CSNK2A2IP: variants seen among roughly 807,000 people sequenced by gnomAD.
CSNK2A2IP encodes the protein casein kinase II subunit alpha'-interacting protein.
chr3:88,396,352 G>A, the CSNK2A2IP span, among the ~76,000 whole-genome samples: 5 of 151,612 alleles, frequency 3.3e-5, no homozygotes, highest in Non-Finnish European at 7.4e-5. Flanking sequence ...TGATCCGCCC[G>A]CCTCGGCCTC....
the CSNK2A2IP span, chr3:88,466,514 C>T: frequency 8.1e-7 from 1 of 1,231,798 alleles, no homozygotes; most frequent in East Asian, 3.2e-5. Flanking sequence ...ACAGCTGCTT[C>T]AACATTAGGT....
the CSNK2A2IP span, among the ~76,000 whole-genome samples, chr3:88,356,188 T>A: frequency 0.026 from 3,887 of 152,232 alleles, 106 homozygotes; most frequent in East Asian, 0.074. Flanking sequence ...CTAGAACTTA[T>A]TTCGTCTATC....
chr3:88,341,942 A>G, the CSNK2A2IP span, among the ~76,000 whole-genome samples: 1 of 152,132 alleles, frequency 6.6e-6, no homozygotes, highest in African/African-American at 2.4e-5. Context: ...GCAGAGGATT[A>G]TAGAAAATTA....
chr3:88,352,620 C>A, the CSNK2A2IP span, among the ~76,000 whole-genome samples: 1 of 151,718 alleles, frequency 6.6e-6, no homozygotes, highest in Non-Finnish European at 1.5e-5. Flanking sequence ...GCTCCATCAC[C>A]CAGGATGGAG....
the CSNK2A2IP span, among the ~76,000 whole-genome samples, chr3:88,404,970 T>G: frequency 6.6e-6 from 1 of 152,142 alleles, no homozygotes; most frequent in Non-Finnish European, 1.5e-5. Context: ...CTGATCAGGC[T>G]CTTCATCCTC....
the CSNK2A2IP span, among the ~76,000 whole-genome samples, chr3:88,450,972 C>CA: frequency 6.6e-6 from 1 of 151,946 alleles, no homozygotes; most frequent in Non-Finnish European, 1.5e-5. Flanking sequence ...TCCAATAGTG[C>CA]AAAAAAATTT....
chr3:88,455,169 G>A, the CSNK2A2IP span, among the ~76,000 whole-genome samples: 8 of 151,550 alleles, frequency 5.3e-5, no homozygotes, highest in African/African-American at 1.7e-4. Flanking sequence ...TTCATATCTT[G>A]GCTATTATAC....
the CSNK2A2IP span, among the ~76,000 whole-genome samples, chr3:88,407,348 C>G: frequency 6.9e-6 from 1 of 144,492 alleles, no homozygotes; most frequent in Non-Finnish European, 1.5e-5. Flanking sequence ...TCATGCATAT[C>G]TTGTAACATT....
At chr3:88,426,538 A>C in the CSNK2A2IP span, among the ~76,000 whole-genome samples, 1 of 152,176 alleles carries the variant, frequency 6.6e-6, no homozygotes, top group Non-Finnish European at 1.5e-5. Flanking sequence ...CCTGAATTGT[A>C]GTTCCCATAA....
the CSNK2A2IP span, among the ~76,000 whole-genome samples, chr3:88,430,034 T>C: frequency 1.3e-5 from 2 of 152,012 alleles, no homozygotes; most frequent in South Asian, 4.2e-4. Context: ...GTGCTGGGAG[T>C]ACAGGCGTGA....
chr3:88,446,418 A>G, the CSNK2A2IP span, among the ~76,000 whole-genome samples: 1 of 152,070 alleles, frequency 6.6e-6, no homozygotes, highest in Non-Finnish European at 1.5e-5. Context: ...CTGTTTTCCC[A>G]GATCTTCAGT....
chr3:88,369,760 C>A, the CSNK2A2IP span, among the ~76,000 whole-genome samples: 2 of 151,766 alleles, frequency 1.3e-5, no homozygotes, highest in East Asian at 1.9e-4. Context: ...AGTACATTCC[C>A]TGGCCACACA....
the CSNK2A2IP span, among the ~76,000 whole-genome samples, chr3:88,367,689 A>G: frequency 1.3e-5 from 2 of 152,186 alleles, no homozygotes; most frequent in South Asian, 4.1e-4. Flanking sequence ...AACAAAACGC[A>G]CATGGCCCTT....
the CSNK2A2IP span, among the ~76,000 whole-genome samples, chr3:88,426,042 T>C: frequency 1.4e-4 from 22 of 152,184 alleles, no homozygotes; most frequent in African/African-American, 4.6e-4. Context: ...AGTTTCATGG[T>C]AAGCATTCTA....
At chr3:88,445,275 CAAAAAAAAAAAAA>C in the CSNK2A2IP span, among the ~76,000 whole-genome samples, 2 of 47,764 alleles carry the variant, frequency 4.2e-5, no homozygotes, top group Non-Finnish European at 7.8e-5. Context: ...GTAAAAATAC[CAAAAAAAAAAAAA>C]AAAAAAAAAA....
the CSNK2A2IP span, among the ~76,000 whole-genome samples, chr3:88,424,398 T>A: frequency 2.6e-5 from 4 of 152,298 alleles, no homozygotes; most frequent in African/African-American, 9.6e-5. Context: ...TAATGTGACG[T>A]TGTACAAACA....
the CSNK2A2IP span, among the ~76,000 whole-genome samples, chr3:88,344,844 G>A: frequency 2.0e-5 from 3 of 151,998 alleles, no homozygotes; most frequent in African/African-American, 7.2e-5. Context: ...GACAGCAATT[G>A]AAAATGCAAA....
At chr3:88,364,390 A>G in the CSNK2A2IP span, among the ~76,000 whole-genome samples, 1 of 152,010 alleles carries the variant, frequency 6.6e-6, no homozygotes. Context: ...ATTTAAAAAT[A>G]TTGCATGGGG....
chr3:88,354,107 A>C, the CSNK2A2IP span, among the ~76,000 whole-genome samples: 2 of 152,166 alleles, frequency 1.3e-5, no homozygotes, highest in East Asian at 3.8e-4. Flanking sequence ...TCCATCTTTC[A>C]TGATGACTGG....
Sources: gnomAD v4.1 joint callset for allele counts (sites outside exome capture counted in the v4.1 genomes callset) on GRCh38, gnomAD v4.1.1 for gene constraint, MANE v1.5 for transcripts, NCBI Gene and HGNC (gene_info 2026-07-23, HGNC 2026-07-21) for gene names.